LPP: variants seen among roughly 807,000 people sequenced by gnomAD.
The protein encoded by LPP is lipoma-preferred partner.
Under a neutral mutation model 60.4 loss-of-function variants are expected in LPP, and 38 were observed. The ratio of observed to expected loss-of-function variants is 0.63; its 90% CI spans 0.49 to 0.83. LPP has a LOEUF of 0.83. Among genes scored for constraint, LPP ranks in the 40% least tolerant of loss-of-function variants. The pLI is 0.00. For synonymous variants in LPP, 328 were observed against 290.8 expected, an observed-to-expected ratio of 1.13 and a Z score of -1.30; for missense variants, 902 against 783.6, an observed-to-expected ratio of 1.15 and a Z score of -1.80.
chr3:188,819,427 T>C (rs1753375892), intron 9 of LPP, among the ~76,000 whole-genome samples: 1 of 151,672 alleles, frequency 6.6e-6, no homozygotes, highest in African/African-American at 2.4e-5. Context: ...TGCCTCACTG[T>C]AGAGGCTACA....
intron 2 of LPP, among the ~76,000 whole-genome samples, chr3:188,290,290 G>A (rs980362356): frequency 3.9e-5 from 6 of 152,032 alleles, no homozygotes; most frequent in African/African-American, 1.4e-4. Flanking sequence ...ATGCAGTTTT[G>A]TGTACTGTTT....
At chr3:188,532,974 G>A (rs1220070453) in intron 6 of LPP, among the ~76,000 whole-genome samples, 1 of 152,198 alleles carries the variant, frequency 6.6e-6, no homozygotes, top group Non-Finnish European at 1.5e-5. Context: ...TTTGGAAACT[G>A]AGTACTGAAA....
chr3:188,756,608 C>T (rs1730339801), intron 8 of LPP, among the ~76,000 whole-genome samples: 3 of 152,208 alleles, frequency 2.0e-5, no homozygotes, highest in Admixed American at 2.0e-4. Flanking sequence ...CCCTAAAGGA[C>T]ACAGTTTGTA....
In LPP at chr3:188,774,026, T is replaced by C. The variant is rs186453058; in HGVS notation, c.1410+13744T>C. Among the ~76,000 whole-genome samples the C allele has an allele frequency of 1.2e-3, 185 of 152,264 alleles. 1 individual carries two copies. Among genetic ancestry groups the C allele is most frequent in the Middle Eastern group, 0.01 (3 of 294 alleles). ...TATTCCCTTTTACAATGTAACAAAA[T>C]CAAAGCTTAGAAAACCAGGGGGTTT... On this transcript the variant is annotated intron_variant, in intron 9 of 11. Coordinates refer to ENST00000617246, the MANE Select transcript of LPP (RefSeq NM_001375462.1).
intron 7 of LPP, among the ~76,000 whole-genome samples, chr3:188,636,211 A>T (rs1333266257): frequency 1.3e-5 from 2 of 152,218 alleles, no homozygotes; most frequent in Non-Finnish European, 2.9e-5. Context: ...ACCGTGTGCG[A>T]GCCGAAGCAG....
At chr3:188,684,549 G>A (rs575879146) in intron 7 of LPP, among the ~76,000 whole-genome samples, 1 of 152,216 alleles carries the variant, frequency 6.6e-6, no homozygotes, top group South Asian at 2.1e-4. Context: ...TTGGGAGAGG[G>A]GCTGTCCAGG....
intron 2 of LPP, among the ~76,000 whole-genome samples, chr3:188,284,682 A>T (rs1444696060): frequency 1.3e-5 from 2 of 152,098 alleles, no homozygotes; most frequent in Non-Finnish European, 2.9e-5. Context: ...AACCAAGGAG[A>T]TCAGGGACTT....
At chr3:188,840,727 T>C (rs1759739584) in intron 9 of LPP, among the ~76,000 whole-genome samples, 1 of 152,168 alleles carries the variant, frequency 6.6e-6, no homozygotes, top group Non-Finnish European at 1.5e-5. Flanking sequence ...TTTGAACTCC[T>C]GGCCACAAGC....
chr3:188,261,891 T>G (rs13323293), intron 2 of LPP, among the ~76,000 whole-genome samples: 2,961 of 152,288 alleles, frequency 0.019, 44 homozygotes, highest in African/African-American at 0.025. Flanking sequence ...CACTTCAGCT[T>G]GGGTCACAGA....
intron 1 of LPP, among the ~76,000 whole-genome samples, chr3:188,215,736 T>A (rs539655320): frequency 6.6e-6 from 1 of 152,346 alleles, no homozygotes; most frequent in East Asian, 1.9e-4. Flanking sequence ...AAAGGGTTAA[T>A]TAAGTAAGTG....
At chr3:188,763,116 G>A (rs1223555569) in intron 9 of LPP, among the ~76,000 whole-genome samples, 1 of 152,166 alleles carries the variant, frequency 6.6e-6, no homozygotes, top group East Asian at 1.9e-4. Context: ...GGAACCAAAA[G>A]CCTTAGAACA....
intron 9 of LPP, among the ~76,000 whole-genome samples, chr3:188,806,433 C>G (rs9816359): frequency 0.06 from 9,169 of 151,628 alleles, 304 homozygotes; most frequent in African/African-American, 0.085. Flanking sequence ...TGTTTTTAGT[C>G]TATCAATGTC....
chr3:188,322,729 C>T (rs1016066114), intron 2 of LPP, among the ~76,000 whole-genome samples: 1 of 152,138 alleles, frequency 6.6e-6, no homozygotes, highest in African/African-American at 2.4e-5. Flanking sequence ...TACTTCCTGG[C>T]TCTGCTATTT....
In LPP at chr3:188,445,551, C is replaced by T. The variant is rs562806719; in HGVS notation, c.194-39041C>T. On this transcript the variant is annotated intron_variant, in intron 4 of 11. Transcript: ENST00000617246. ...ATACCTAATGTAGATGACAGGTTGA[C>T]GGATGCAGCAAACCACCGTGGCATA... Among the ~76,000 whole-genome samples, 30 of 151,858 alleles carry T rather than the reference C, an allele frequency of 2.0e-4. No homozygotes were observed. The South Asian group carries it at 2.3e-3, about 12-fold the overall frequency.
intron 2 of LPP, among the ~76,000 whole-genome samples, chr3:188,341,068 T>C (rs1163636383): frequency 6.6e-6 from 1 of 152,210 alleles, no homozygotes; most frequent in Non-Finnish European, 1.5e-5. Flanking sequence ...GGCCATTGAT[T>C]AAAGGAAATC....
At chr3:188,362,492 C>T (rs903125865) in intron 3 of LPP, among the ~76,000 whole-genome samples, 1 of 152,186 alleles carries the variant, frequency 6.6e-6, no homozygotes, top group African/African-American at 2.4e-5. Context: ...TGGACATCCT[C>T]CTTCTCTTGT....
At chr3:188,285,412 T>C (rs74846015) in intron 2 of LPP, among the ~76,000 whole-genome samples, 2,047 of 152,228 alleles carry the variant, frequency 0.013, 58 homozygotes, top group African/African-American at 0.048. Flanking sequence ...ATGTAGAATC[T>C]ACTAACTCCT....
intron 9 of LPP, among the ~76,000 whole-genome samples, chr3:188,763,575 T>C (rs1255990259): frequency 6.6e-6 from 1 of 152,204 alleles, no homozygotes; most frequent in Non-Finnish European, 1.5e-5. Context: ...CAGTATAGCA[T>C]TGTAATTCTC....
At chr3:188,654,787 C>A (rs535634626) in intron 7 of LPP, among the ~76,000 whole-genome samples, 2 of 152,266 alleles carry the variant, frequency 1.3e-5, no homozygotes, top group South Asian at 4.1e-4. Context: ...GTACAAGAAT[C>A]CTTTCACAAA....
Sources: allele counts gnomAD v4.1 joint callset (sites outside exome capture counted in the v4.1 genomes callset), GRCh38; gene constraint gnomAD v4.1.1; transcripts MANE v1.5; gene names NCBI Gene and HGNC (gene_info 2026-07-23, HGNC 2026-07-21).